Variants in FSTL4 observed in about 807,000 individuals in gnomAD.
FSTL4 encodes the protein follistatin-related protein 4.
A neutral mutation model predicts 78.2 loss-of-function variants in FSTL4; 28 were observed. The observed-to-expected ratio is 0.36, with a 90% CI of 0.27 to 0.49. The LOEUF is 0.49. Among genes scored for constraint, FSTL4 ranks in the 20% least tolerant of loss-of-function variants. The pLI is 0.98. For missense variants in FSTL4, 922 were observed against 1,084.9 expected, an observed-to-expected ratio of 0.85 and a Z score of 2.11; for synonymous variants, 422 against 440.5, an observed-to-expected ratio of 0.96 and a Z score of 0.53.
chr5:133,312,396 A>C (rs1455470268), intron 6 of FSTL4: 1 of 480,932 alleles, frequency 2.1e-6, no homozygotes, highest in African/African-American at 2.0e-5. Flanking sequence ...GCTATGCTTC[A>C]ATTACAGTCC....
intron 4 of FSTL4, among the ~76,000 whole-genome samples, chr5:133,354,973 C>A (rs1754911440): frequency 6.6e-6 from 1 of 152,250 alleles, no homozygotes; most frequent in Non-Finnish European, 1.5e-5. Flanking sequence ...GCTCTGTCTA[C>A]TGCTAATTGA....
At chr5:133,265,620 A>T (rs1581580387) in intron 6 of FSTL4, among the ~76,000 whole-genome samples, 1 of 152,310 alleles carries the variant, frequency 6.6e-6, no homozygotes, top group East Asian at 1.9e-4. Context: ...GTATCCTTTG[A>T]CAAATTTGCC....
intron 6 of FSTL4, among the ~76,000 whole-genome samples, chr5:133,284,358 A>C (rs988861546): frequency 2.6e-5 from 4 of 152,244 alleles, no homozygotes; most frequent in African/African-American, 9.6e-5. Flanking sequence ...AAGTCATTAA[A>C]AACACTATCC....
At position 133,225,531 on chromosome 5, in the gene FSTL4, G is replaced by A. The variant is rs1751300406; in HGVS notation, c.1177+127C>T. 2 of 935,854 alleles carry A rather than the reference G, an allele frequency of 2.1e-6. No homozygotes were observed. Among genetic ancestry groups the A allele is most frequent in the South Asian group, 3.3e-5 (2 of 61,450 alleles). 58.0% of individuals were successfully genotyped at this position (935,854 alleles called of 1,614,324 possible). ...TGAGCCCAGATAACAGGGAAATTTG[G>A]GAGCCATCTGTTCACTCCTAACCTG... On this transcript the variant is annotated intron_variant, in intron 9 of 15. Coordinates refer to ENST00000265342, the MANE Select transcript of FSTL4 (RefSeq NM_015082.2). The surrounding 1 kb of genome is among the most constrained non-coding windows in gnomAD (Gnocchi z 4.6).
At chr5:133,349,737 G>C (rs7718589) in intron 4 of FSTL4, among the ~76,000 whole-genome samples, 2,538 of 143,068 alleles carry the variant, frequency 0.018, 54 homozygotes, top group African/African-American at 0.025. Context: ...GCTGCCATGC[G>C]ACTGTAAAGG....
chr5:133,819,977 C>T, the FSTL4 span, among the ~76,000 whole-genome samples: 3 of 152,210 alleles, frequency 2.0e-5, no homozygotes, highest in Admixed American at 6.5e-5. Flanking sequence ...CTCATAGGTA[C>T]ACTGACTTGC....
At position 133,390,744 on chromosome 5, in the gene FSTL4, T is replaced by C. The variant is rs1001270972; in HGVS notation, c.409+9994A>G. The stretch of plus-strand genomic sequence containing the variant: ...CTGATGGAGATGAGCAGTCATTTAC[T>C]CTCCCCTGGGTCACTGCCTCCTGAT... On this transcript the variant is annotated intron_variant, in intron 4 of 15. Transcript: ENST00000265342. Among the ~76,000 whole-genome samples the C allele has an allele frequency of 2.0e-5, 3 of 152,242 alleles. No individual in the cohort carries two copies. In the South Asian group the frequency reaches 6.2e-4, roughly 31 times the overall value.
chr5:133,354,458 T>G lies in FSTL4; in HGVS notation c.410-37806A>C, dbSNP rs560964327. On this transcript the variant is annotated intron_variant, in intron 4 of 15. Coordinates refer to ENST00000265342, the MANE Select transcript of FSTL4 (RefSeq NM_015082.2). ...CCTCGTGGTTGAGTGTGCATTGAAG[T>G]TTTGACATGCAGAGGACATCCTGGA... is the stretch of plus-strand genomic sequence containing the variant. 2.0e-4 allele frequency among the ~76,000 whole-genome samples: 31 copies of G among 152,276 alleles called. No homozygotes were observed. The East Asian group carries it at 5.0e-3, about 25-fold the overall frequency.
chr5:133,201,996 G>T lies in FSTL4; in HGVS notation c.1763C>A (p.Thr588Lys). 6.2e-7 allele frequency: 1 copy of T among 1,612,662 alleles called. No individual in the cohort carries two copies. The highest frequency in any genetic ancestry group is 8.5e-7 in the Non-Finnish European group (1 of 1,179,088). ...STGQSQHLIRTPFAGVDDFFI... is the reference protein window; with the variant it reads ...STGQSQHLIRKPFAGVDDFFI... ...GAAATCATCCACTCCTGCAAAGGGT[G>T]TGCGGATGAGGTGCTGGCTCTGGCC... The change falls in exon 15 of 16, where the codon ACA becomes AAA. Residue 588 changes from threonine to lysine, a missense_variant. By Grantham distance (78) the Thr-to-Lys change is moderately conservative. Transcript: ENST00000265342.
chr5:133,441,370 C>A (rs574902558), intron 3 of FSTL4, among the ~76,000 whole-genome samples: 5 of 152,188 alleles, frequency 3.3e-5, no homozygotes, highest in African/African-American at 4.8e-5. Context: ...CCTGGTAGCA[C>A]CCCGAGGGGA....
At chr5:133,384,823 GC>G (rs1166245397) in intron 4 of FSTL4, among the ~76,000 whole-genome samples, 1 of 152,178 alleles carries the variant, frequency 6.6e-6, no homozygotes, top group East Asian at 1.9e-4. Flanking sequence ...CTTGGCCAAA[GC>G]TCCTTTCCAG....
intron 2 of FSTL4, among the ~76,000 whole-genome samples, chr5:133,581,358 T>C (rs1760402827): frequency 6.6e-6 from 1 of 152,214 alleles, no homozygotes. Context: ...GGATGCACCA[T>C]GAACTTCAGT....
chr5:133,321,006 C>CA (rs3976680), intron 4 of FSTL4, among the ~76,000 whole-genome samples: 1,742 of 90,354 alleles, frequency 0.019, 74 homozygotes, highest in African/African-American at 0.039. Context: ...GACTCCGTCT[C>CA]AAAAAAAAAA....
At chr5:133,639,161 G>T in the FSTL4 span, among the ~76,000 whole-genome samples, 2 of 151,940 alleles carry the variant, frequency 1.3e-5, no homozygotes, top group Non-Finnish European at 2.9e-5. Context: ...AGTGTGTGTT[G>T]TTCCCCTCCC....
At chr5:133,753,683 C>CTGTGTGTGTG in the FSTL4 span, among the ~76,000 whole-genome samples, 574 of 120,644 alleles carry the variant, frequency 4.8e-3, 1 homozygote, top group African/African-American at 0.014. Flanking sequence ...CACATTTGTT[C>CTGTGTGTGTG]TGTGTGTGTG....
At chr5:133,738,502 A>T in the FSTL4 span, among the ~76,000 whole-genome samples, 5 of 152,132 alleles carry the variant, frequency 3.3e-5, no homozygotes, top group East Asian at 9.7e-4. Flanking sequence ...GTACTTGAAC[A>T]GGCTCCAGAT....
Position 133,307,809 on chromosome 5 carries a change from C to T in FSTL4, c.727+4845G>A, listed in dbSNP as rs372394176. Among the ~76,000 whole-genome samples, 30 of 143,088 alleles carry T rather than the reference C, an allele frequency of 2.1e-4. No individual in the cohort carries two copies. In the East Asian group the frequency reaches 2.3e-3, roughly 11 times the overall value. 93.9% of individuals were successfully genotyped at this position (143,088 alleles called of 152,430 possible). ...TTTTTTTTTTTTTTTGAGATGGAGT[C>T]TCGCTCTGTTGCCCAGGCTGGAGTG... On this transcript the variant is annotated intron_variant, in intron 6 of 15. Transcript: ENST00000265342.
intron 4 of FSTL4, among the ~76,000 whole-genome samples, chr5:133,379,568 C>T (rs1356059625): frequency 1.3e-5 from 2 of 152,106 alleles, no homozygotes; most frequent in East Asian, 3.8e-4. Context: ...TACCACAAGA[C>T]TGAAATTAAA....
At chr5:133,831,471 T>C in the FSTL4 span, among the ~76,000 whole-genome samples, 11 of 152,214 alleles carry the variant, frequency 7.2e-5, no homozygotes, top group Non-Finnish European at 1.6e-4. Flanking sequence ...GTGGAAAATA[T>C]TGATACTTCT....
Sources: gnomAD v4.1 joint callset for allele counts (sites outside exome capture counted in the v4.1 genomes callset) on GRCh38, gnomAD v4.1.1 for gene constraint, Gnocchi (gnomAD v3.1) non-coding constraint, MANE v1.5 for transcripts, NCBI Gene and HGNC (gene_info 2026-07-23, HGNC 2026-07-21) for gene names.